HGF: variants seen among roughly 807,000 people sequenced by gnomAD.
The protein encoded by HGF is hepatocyte growth factor.
A neutral mutation model predicts 111.6 loss-of-function variants in HGF; 39 were observed. The ratio of observed to expected loss-of-function variants is 0.35; its 90% CI spans 0.27 to 0.46. HGF has a LOEUF of 0.46. Ranked by LOEUF, HGF falls within the 20% of genes least tolerant of loss-of-function variation. The pLI, the probability that HGF is intolerant of heterozygous loss-of-function variation, is 1.00. For synonymous variants in HGF, 285 were observed against 294.8 expected, an observed-to-expected ratio of 0.97 and a Z score of 0.34; for missense variants, 735 against 910.5, an observed-to-expected ratio of 0.81 and a Z score of 2.48.
At chr7:81,722,789 G>T (rs1448689075) in intron 9 of HGF, among the ~76,000 whole-genome samples, 5 of 140,524 alleles carry the variant, frequency 3.6e-5, no homozygotes, top group Non-Finnish European at 7.5e-5. Flanking sequence ...AATCCAGCCT[G>T]GGCGACAGAG....
rs755450918 is a variant in HGF at position 81,702,740 on chromosome 7, T to C, written c.2028A>G (p.Pro676=). The C allele has an allele frequency of 1.2e-6, 2 of 1,611,158 alleles. No homozygotes were observed. Among genetic ancestry groups the C allele is most frequent in the East Asian group, 2.2e-5 (1 of 44,788 alleles). Residue 676 remains proline, a synonymous_variant, in exon 18 of 18, where the codon CCA becomes CCG. Coordinates refer to ENST00000222390, the MANE Select transcript of HGF (RefSeq NM_000601.6). ...TCATTTTATGTTGCTCACAAACAAG[T>C]GGGCCACCATAATCCCCCTAGGAGT... ...SGPCEGDYGG[P]LVCEQHKMRM... is the part of the protein sequence containing the mutation.
rs567152330 is a variant in HGF at position 81,758,504 on chromosome 7, C to T, written c.367+188G>A. Among the ~76,000 whole-genome samples, 4 of 152,028 alleles carry T rather than the reference C, an allele frequency of 2.6e-5. No homozygotes were observed. In the South Asian group the frequency reaches 8.3e-4, roughly 32 times the overall value. ...TTATGAAAAGTTTTGAAAATGTTCT[C>T]CTTAAAGTACCATACTAAAAATAGT... On this transcript the variant is annotated intron_variant, in intron 3 of 17. Transcript: ENST00000222390.
Position 81,752,166 on chromosome 7 carries a change from A to G in HGF, c.579T>C (p.Asn193=), listed in dbSNP as rs1275458375. ...CACAGACTTCGTAGCGTACCTCTGGATTGCTTGTGAAACACCAGGGTCCCC... is the reference window on the plus strand; with the variant it reads ...CACAGACTTCGTAGCGTACCTCTGGGTTGCTTGTGAAACACCAGGGTCCCC... ...EEGGPWCFTS[N]PEVRYEVCDI... Residue 193 remains asparagine (N), a synonymous_variant, in exon 5 of 18, where the codon AAT becomes AAC. Transcript: ENST00000222390. 2 of 1,613,568 alleles carry G rather than the reference A, an allele frequency of 1.2e-6. No homozygotes were observed. Among genetic ancestry groups the G allele is most frequent in the Admixed American group, 3.3e-5 (2 of 60,002 alleles).
At chr7:81,728,026 G>A (rs939542315) in intron 8 of HGF, among the ~76,000 whole-genome samples, 2 of 152,114 alleles carry the variant, frequency 1.3e-5, no homozygotes, top group Non-Finnish European at 2.9e-5. Flanking sequence ...TCCAAAGATT[G>A]CCATTTTTAA....
At position 81,699,416 on chromosome 7, in the gene HGF, A is replaced by G. The variant is rs1249959585; in HGVS notation, c.*3165T>C. The G allele has an allele frequency of 6.6e-6, 1 of 151,626 alleles. No homozygotes were observed. The highest frequency in any genetic ancestry group is 1.5e-5 in the Non-Finnish European group (1 of 67,670). The allele number at this position is 151,626 out of a possible 1,614,324, so 9.4% of individuals were successfully genotyped here. Reference sequence around the variant, plus strand: ...CAAGTGATTTATTTTAAAATTATGTATTTTAAAAACAAAGGCCATGTACTT... The same window carrying G: ...CAAGTGATTTATTTTAAAATTATGTGTTTTAAAAACAAAGGCCATGTACTT... On this transcript the variant is annotated 3_prime_UTR_variant, in exon 18 of 18. Coordinates refer to ENST00000222390, the MANE Select transcript of HGF (RefSeq NM_000601.6).
At chr7:81,712,466 G>A (rs531799863) in intron 11 of HGF, among the ~76,000 whole-genome samples, 19 of 152,142 alleles carry the variant, frequency 1.2e-4, no homozygotes, top group Middle Eastern at 3.4e-3. Flanking sequence ...TTCCAGATGC[G>A]AGTAAAAAAA....
chr7:81,743,419 GC>G lies in HGF; in HGVS notation c.798del (p.Gln266HisfsTer28). 2 of 1,613,670 alleles carry G rather than the reference GC, an allele frequency of 1.2e-6. No homozygotes were observed. The highest frequency in any genetic ancestry group is 1.7e-6 in the Non-Finnish European group (2 of 1,179,658). Reference sequence around the variant, plus strand: ...TCAAGAGTATAGCACCATGGCCTCGGCTGGCCATCGGGATTGCGGCAATAAT... The same window carrying G: ...TCAAGAGTATAGCACCATGGCCTCGGTGGCCATCGGGATTGCGGCAATAAT... ...DDNYCRNPDG[Q>X]PRPWCYTLDP... On this transcript the variant is annotated frameshift_variant, in exon 7 of 18. Coordinates refer to ENST00000222390, the MANE Select transcript of HGF (RefSeq NM_000601.6). LOFTEE classifies it high-confidence loss of function.
At chr7:81,719,289 C>T (rs923478748) in intron 10 of HGF, among the ~76,000 whole-genome samples, 1 of 152,166 alleles carries the variant, frequency 6.6e-6, no homozygotes, top group Non-Finnish European at 1.5e-5. Context: ...CACTTCTTTG[C>T]ATTCCCATAG....
chr7:81,717,911 G>A (rs958507536), intron 10 of HGF, among the ~76,000 whole-genome samples: 22 of 152,032 alleles, frequency 1.4e-4, no homozygotes, highest in African/African-American at 3.1e-4. Flanking sequence ...ACAGATAACC[G>A]AGCAATACTT....
intron 8 of HGF, among the ~76,000 whole-genome samples, chr7:81,727,581 T>TA (rs11377584): frequency 0.77 from 116,183 of 151,826 alleles, 44,677 homozygotes; most frequent in Middle Eastern, 0.87. Context: ...CTTACATTTT[T>TA]AAAAAAAATC....
At chr7:81,724,322 T>C (rs752256298) in intron 9 of HGF, among the ~76,000 whole-genome samples, 3 of 152,134 alleles carry the variant, frequency 2.0e-5, no homozygotes, top group Non-Finnish European at 2.9e-5. Flanking sequence ...TCGTGAAGAA[T>C]GACACTGTGG....
intron 2 of HGF, among the ~76,000 whole-genome samples, chr7:81,760,057 T>C (rs1224345405): frequency 1.3e-5 from 2 of 152,202 alleles, no homozygotes; most frequent in African/African-American, 2.4e-5. Flanking sequence ...CAATGACAAA[T>C]TCTTTAAGAA....
intron 6 of HGF, 45 bp downstream of exon 6, chr7:81,744,955 A>C (rs1311540675): frequency 6.2e-7 from 1 of 1,600,092 alleles, no homozygotes; most frequent in Non-Finnish European, 8.6e-7. Flanking sequence ...AGTGAATAAT[A>C]GTTTGTAAAA....
chr7:81,765,761 T>C (rs899431492), intron 1 of HGF, among the ~76,000 whole-genome samples: 1 of 152,172 alleles, frequency 6.6e-6, no homozygotes, highest in Non-Finnish European at 1.5e-5. Flanking sequence ...TTGCTGAAAA[T>C]AGTTTCAACT....
chr7:81,711,474 T>A lies in HGF; in HGVS notation c.1444+7A>T, dbSNP rs370419243. On this transcript the variant is annotated splice_region_variant and intron_variant, in intron 12 of 17. Coordinates refer to ENST00000222390, the MANE Select transcript of HGF (RefSeq NM_000601.6). ...GAATATACTTTATATTGTGAAATAT[T>A]ACTTACGGTCTAAATTGACTATTGT... 32 of 1,448,640 alleles carry A rather than the reference T, an allele frequency of 2.2e-5. No homozygotes were observed. In the African/African-American group the frequency reaches 4.1e-4, roughly 18 times the overall value. The allele number at this position is 1,448,640 out of a possible 1,614,324, so 89.7% of individuals were successfully genotyped here.
At chr7:81,718,840 A>G (rs1758090114) in intron 10 of HGF, among the ~76,000 whole-genome samples, 1 of 152,148 alleles carries the variant, frequency 6.6e-6, no homozygotes, top group Admixed American at 6.6e-5. Context: ...GATGAGAACA[A>G]TTCTCTCTCA....
chr7:81,729,912 A>T, intron 7 of HGF, 133 bp from the exon 8 acceptor site: 1 of 681,096 alleles, frequency 1.5e-6, no homozygotes, highest in East Asian at 2.7e-5. Context: ...ATAATAATTG[A>T]GTGGAATAAG....
rs763167149 is a variant in HGF at position 81,706,319 on chromosome 7, T to C, written c.1725A>G (p.Glu575=). The change falls in exon 15 of 18, where the codon GAA becomes GAG. Residue 575 remains glutamate (E), a synonymous_variant. Transcript: ENST00000222390. ...LNVSQLVYGP[E]GSDLVLMKLA... ...GCTTCATTAAAACCAGATCTGATCC[T>C]TCAGGGCCATATACCAGCTGGGAAA... is the stretch of plus-strand genomic sequence containing the variant. 16 of 1,612,724 alleles carry C rather than the reference T, an allele frequency of 9.9e-6. No homozygotes were observed. Among genetic ancestry groups the C allele is most frequent in the Non-Finnish European group, 1.4e-5 (16 of 1,179,146 alleles).
At chr7:81,750,800 G>T in intron 5 of HGF, 1 of 196,684 alleles carries the variant, frequency 5.1e-6, no homozygotes, top group Non-Finnish European at 7.2e-6. Context: ...TAATAGGAGA[G>T]ATTCCCCTAA....
Sources: gnomAD v4.1 joint callset for allele counts (sites outside exome capture counted in the v4.1 genomes callset) on GRCh38, gnomAD v4.1.1 for gene constraint, MANE v1.5 for transcripts, NCBI Gene and HGNC (gene_info 2026-07-23, HGNC 2026-07-21) for gene names.